The following CADM2 variants were observed in gnomAD, a reference collection of about 807,000 sequenced individuals.
CADM2 encodes cell adhesion molecule 2, also known as immunoglobulin superfamily member 4D.
CADM2 carries 12 observed loss-of-function variants against 49.8 expected under a neutral mutation model. The ratio of observed to expected loss-of-function variants is 0.24; its 90% confidence interval spans 0.15 to 0.39. CADM2 has a LOEUF of 0.39. Among genes scored for constraint, CADM2 ranks in the 10% least tolerant of loss-of-function variants. The pLI is 1.00. For synonymous variants in CADM2, 214 were observed against 175.4 expected, an observed-to-expected ratio of 1.22 and a Z score of -1.74; for missense variants, 378 against 492.3, an observed-to-expected ratio of 0.77 and a Z score of 2.20.
At position 85,622,381 on chromosome 3, in the gene CADM2, C is replaced by T. The variant is rs536701284; in HGVS notation, c.62-104141C>T. Among the ~76,000 whole-genome samples the T allele has an allele frequency of 2.4e-4, 36 of 152,068 alleles. 1 individual carries two copies. The highest frequency in any genetic ancestry group is 7.5e-4 in the African/African-American group (31 of 41,504). ...AAATTTATCTTTCAAACTGAATATCCAAACTAAAAAATGCTGTAAATCTAA... is the reference window on the plus strand; with the variant it reads ...AAATTTATCTTTCAAACTGAATATCTAAACTAAAAAATGCTGTAAATCTAA... On this transcript the variant is annotated intron_variant, in intron 1 of 9. Coordinates refer to ENST00000383699, the MANE Select transcript of CADM2 (RefSeq NM_001167675.2).
chr3:86,042,938 T>C (rs1471690979), intron 8 of CADM2, among the ~76,000 whole-genome samples: 1 of 152,150 alleles, frequency 6.6e-6, no homozygotes, highest in South Asian at 2.1e-4. Flanking sequence ...TGCAAATCAA[T>C]AAATCTAATC....
chr3:85,420,733 A>G (rs1397953940), intron 1 of CADM2, among the ~76,000 whole-genome samples: 1 of 152,240 alleles, frequency 6.6e-6, no homozygotes, highest in Non-Finnish European at 1.5e-5. Context: ...TTAAACAAAC[A>G]AAACATAAAA....
At chr3:85,900,523 A>G (rs1167845147) in intron 5 of CADM2, among the ~76,000 whole-genome samples, 1 of 152,224 alleles carries the variant, frequency 6.6e-6, no homozygotes, top group African/African-American at 2.4e-5. Context: ...CATGAGATAC[A>G]TAAAAACATT....
chr3:85,449,068 A>AATAATAATAATAATAATAATAATG (rs2037621779), intron 1 of CADM2, among the ~76,000 whole-genome samples: 1 of 147,962 alleles, frequency 6.8e-6, no homozygotes, highest in African/African-American at 2.4e-5. Flanking sequence ...TAATAATAAT[A>AATAATAATAATAATAATAATAATG]ATAATAATGA....
chr3:86,052,924 T>C (rs1011576582), intron 8 of CADM2, among the ~76,000 whole-genome samples: 1 of 152,154 alleles, frequency 6.6e-6, no homozygotes. Context: ...ATTTCTGTCA[T>C]TATATCAGTG....
chr3:85,990,013 C>CAAAAAAAAAAAA lies in CADM2; in HGVS notation c.970+28386_970+28397dup, dbSNP rs58178176. On this transcript the variant is annotated intron_variant, in intron 8 of 9. Coordinates refer to ENST00000383699, the MANE Select transcript of CADM2 (RefSeq NM_001167675.2). ...GGCGACAAGAGAGAAACTCCATGTC[C>CAAAAAAAAAAAA]AAAAAAAAAAAAAAAAAAAAAAAAA... Among the ~76,000 whole-genome samples, 33 of 9,646 alleles carry CAAAAAAAAAAAA rather than the reference C, an allele frequency of 3.4e-3. 2 individuals are homozygous for CAAAAAAAAAAAA. Among genetic ancestry groups the CAAAAAAAAAAAA allele is most frequent in the African/African-American group, 5.0e-3 (19 of 3,796 alleles). 6.3% of individuals were successfully genotyped at this position (9,646 alleles called of 152,430 possible). A position where few individuals can be genotyped will look rare whatever the true frequency, so the allele number is the denominator to read the frequency against.
chr3:85,365,199 C>CTTTTTTTTTTTTTTTTTTTT (rs397962829), intron 1 of CADM2, among the ~76,000 whole-genome samples: 3 of 104,712 alleles, frequency 2.9e-5, no homozygotes, highest in African/African-American at 3.6e-5. Flanking sequence ...TTTTTTTTTA[C>CTTTTTTTTTTTTTTTTTTTT]TTTTTTTTTT....
intron 5 of CADM2, among the ~76,000 whole-genome samples, chr3:85,893,668 C>T (rs1714793746): frequency 2.0e-5 from 3 of 152,242 alleles, no homozygotes; most frequent in Middle Eastern, 3.4e-3. Context: ...CAAACAACCC[C>T]ATCAAAAAGT....
At chr3:85,922,284 TTTTATCACA>T (rs928612007) in intron 6 of CADM2, among the ~76,000 whole-genome samples, 1 of 150,910 alleles carries the variant, frequency 6.6e-6, no homozygotes, top group Non-Finnish European at 1.5e-5. Flanking sequence ...TTGTTGTAAT[TTTTATCACA>T]TTTATAATTA....
intron 3 of CADM2, among the ~76,000 whole-genome samples, chr3:85,837,172 G>C (rs139836898): frequency 1.3e-5 from 2 of 151,666 alleles, no homozygotes; most frequent in East Asian, 3.9e-4. Flanking sequence ...ATTAAAATCA[G>C]TATGGCTAAC....
At chr3:85,710,510 T>C (rs1198237712) in intron 1 of CADM2, among the ~76,000 whole-genome samples, 1 of 152,192 alleles carries the variant, frequency 6.6e-6, no homozygotes, top group Non-Finnish European at 1.5e-5. Context: ...CTATGGCTCC[T>C]AAATGGAACA....
chr3:85,361,691 G>T (rs1329731401), intron 1 of CADM2, among the ~76,000 whole-genome samples: 1 of 152,108 alleles, frequency 6.6e-6, no homozygotes, highest in African/African-American at 2.4e-5. Flanking sequence ...TCATTGCAAA[G>T]CGTCCTGAAA....
intron 1 of CADM2, among the ~76,000 whole-genome samples, chr3:85,380,383 A>T (rs150845112): frequency 6.6e-6 from 1 of 151,966 alleles, no homozygotes; most frequent in African/African-American, 2.4e-5. Flanking sequence ...AATACATTTT[A>T]TGGGACTCAG....
In CADM2 at chr3:86,063,003, G is replaced by T. The variant is rs537654403; in HGVS notation, c.971-2602G>T. Among the ~76,000 whole-genome samples, 93 of 152,152 alleles carry T rather than the reference G, an allele frequency of 6.1e-4. 1 individual carries two copies. Among genetic ancestry groups the T allele is most frequent in the Middle Eastern group, 3.4e-3 (1 of 294 alleles). ...TCAACTGTAACAGAGACTGGAAAATGCCTAGTTCTAATAACTGAAAGCAAA... is the reference window on the plus strand; with the variant it reads ...TCAACTGTAACAGAGACTGGAAAATTCCTAGTTCTAATAACTGAAAGCAAA... On this transcript the variant is annotated intron_variant, in intron 8 of 9. Coordinates refer to ENST00000383699, the MANE Select transcript of CADM2 (RefSeq NM_001167675.2).
intron 1 of CADM2, among the ~76,000 whole-genome samples, chr3:85,425,182 A>G (rs768877964): frequency 5.9e-5 from 9 of 152,194 alleles, no homozygotes; most frequent in Non-Finnish European, 1.3e-4. Flanking sequence ...TCCATCATGC[A>G]TGTTTCAACA....
intron 1 of CADM2, among the ~76,000 whole-genome samples, chr3:85,621,254 A>T (rs2063968415): frequency 6.6e-6 from 1 of 152,146 alleles, no homozygotes; most frequent in Non-Finnish European, 1.5e-5. Context: ...TAACCATAAG[A>T]TAATTAATTT....
chr3:85,048,606 G>A (rs1374962283), intron 1 of CADM2, among the ~76,000 whole-genome samples: 1 of 152,128 alleles, frequency 6.6e-6, no homozygotes, highest in Non-Finnish European at 1.5e-5. Context: ...AACGAGGAGT[G>A]AGAAACAAAA....
chr3:85,081,187 T>C (rs1036311882), intron 1 of CADM2, among the ~76,000 whole-genome samples: 1 of 152,188 alleles, frequency 6.6e-6, no homozygotes, highest in African/African-American at 2.4e-5. Flanking sequence ...CTTAAGTTTA[T>C]GTTATAGTCA....
intron 1 of CADM2, among the ~76,000 whole-genome samples, chr3:85,366,391 A>G (rs559191291): frequency 1.3e-5 from 2 of 152,286 alleles, no homozygotes; most frequent in Non-Finnish European, 2.9e-5. Context: ...AGCCCAAACC[A>G]TGTTAATCAC....
Sources: gnomAD v4.1 joint callset for allele counts (sites outside exome capture counted in the v4.1 genomes callset) on GRCh38, gnomAD v4.1.1 for gene constraint, MANE v1.5 for transcripts, NCBI Gene and HGNC (gene_info 2026-07-23, HGNC 2026-07-21) for gene names.